Variants in NLRC5 observed in about 807,000 individuals in gnomAD.
NLRC5 encodes the protein NLR family CARD domain containing 5.
NLRC5 carries 114 observed loss-of-function variants against 206.9 expected under a neutral mutation model. The ratio of observed to expected loss-of-function variants is 0.55; its 90% CI spans 0.47 to 0.64. NLRC5 has a LOEUF of 0.64. NLRC5 is among the 30% of genes least tolerant of loss of function. The pLI is 0.00. For synonymous variants in NLRC5, 952 were observed against 962.8 expected, an observed-to-expected ratio of 0.99 and a Z score of 0.21; for missense variants, 2,008 against 2,305.5, an observed-to-expected ratio of 0.87 and a Z score of 2.64.
At position 57,055,102 on chromosome 16, in the gene NLRC5, C is replaced by T. The variant is rs1259237621; in HGVS notation, c.3659+8C>T. ...GGAAGGCGTGTGCTGTGGGTAAGCCCCCTTGAACCATGCCTAGGCAGCTAG... is the reference window on the plus strand; with the variant it reads ...GGAAGGCGTGTGCTGTGGGTAAGCCTCCTTGAACCATGCCTAGGCAGCTAG... On this transcript the variant is annotated splice_region_variant and intron_variant, in intron 26 of 48. Coordinates refer to ENST00000688547, the MANE Select transcript of NLRC5 (RefSeq NM_001384950.1). The T allele has an allele frequency of 6.2e-7, 1 of 1,614,076 alleles. No homozygotes were observed. Among genetic ancestry groups the T allele is most frequent in the South Asian group, 1.1e-5 (1 of 91,082 alleles).
At chr16:56,989,936 A>G (rs1452827962) in intron 1 of NLRC5, among the ~76,000 whole-genome samples, 2 of 152,062 alleles carry the variant, frequency 1.3e-5, no homozygotes, top group African/African-American at 4.8e-5. Context: ...AGCTCCTGTC[A>G]CCTACCGGAT....
intron 1 of NLRC5, among the ~76,000 whole-genome samples, chr16:57,016,789 A>G (rs1209100093): frequency 6.6e-6 from 1 of 152,172 alleles, no homozygotes; most frequent in Non-Finnish European, 1.5e-5. Flanking sequence ...GCCAAAGGAC[A>G]TTGTAAGGTG....
Position 57,081,171 on chromosome 16 carries a change from A to G in NLRC5, c.5395A>G (p.Lys1799Glu), listed in dbSNP as rs1452611482. The change falls in exon 47 of 49, where the codon AAG (lysine) becomes GAG (glutamate). Residue 1799 changes from lysine (K) to glutamate (E), a missense_variant. Physicochemically the swap from Lys to Glu is moderately conservative, Grantham distance 56. Transcript: ENST00000688547. ...GGTGCTGCCGCAGATGGGCCGGCTG[A>G]AGAGAGTGGAGTATGAGGGGCCGGG... ...AQVLPQMGRL[K>E]RVDLEKNQIT... is the part of the protein sequence containing the mutation. 1.3e-6 allele frequency: 2 copies of G among 1,541,510 alleles called. No individual in the cohort carries two copies. The highest frequency in any genetic ancestry group is 1.7e-4 in the Middle Eastern group (1 of 5,834).
intron 21 of NLRC5, among the ~76,000 whole-genome samples, chr16:57,046,187 G>A (rs2063946125): frequency 6.6e-6 from 1 of 152,228 alleles, no homozygotes; most frequent in Non-Finnish European, 1.5e-5. Context: ...CCGGGTTCTT[G>A]AGGCCCAAAG....
intron 23 of NLRC5, chr16:57,047,862 C>A (rs2064214872): frequency 1.8e-6 from 1 of 567,432 alleles, no homozygotes. Flanking sequence ...GGGAAGCCTT[C>A]ACCTGCACCA....
rs578137172 is a variant in NLRC5 at position 57,081,004 on chromosome 16, C to T, written c.5322-94C>T. 203 of 1,151,556 alleles carry T rather than the reference C, an allele frequency of 1.8e-4. No individual in the cohort carries two copies. In the African/African-American group the frequency reaches 2.2e-3, roughly 12 times the overall value. The allele number at this position is 1,151,556 out of a possible 1,614,324, so 71.3% of individuals were successfully genotyped here. A position where few individuals can be genotyped will look rare whatever the true frequency, so the allele number is the denominator to read the frequency against. ...CCTCTCTTGAAAACCCTTGCCCCCA[C>T]GACTGGCACCCTGCTTTCCCCATTC... On this transcript the variant is annotated intron_variant, in intron 46 of 48. Transcript: ENST00000688547.
chr16:57,029,080 G>T (rs1186056363), intron 8 of NLRC5, among the ~76,000 whole-genome samples: 1 of 152,176 alleles, frequency 6.6e-6, no homozygotes, highest in Non-Finnish European at 1.5e-5. Flanking sequence ...CACTTGTTGA[G>T]TGAAAATAAT....
rs538867786 is a variant in NLRC5 at position 57,012,437 on chromosome 16, C to A, written c.-127-4637C>A. Among the ~76,000 whole-genome samples, 10 of 152,266 alleles carry A rather than the reference C, an allele frequency of 6.6e-5. No individual in the cohort carries two copies. The South Asian group carries it at 1.9e-3, about 28-fold the overall frequency. Reference sequence around the variant, plus strand: ...TACATTCTAAGGCAGGGGTCCCCAACCCCCAGGCTACAGATCAGTGTCGGT... The same window carrying A: ...TACATTCTAAGGCAGGGGTCCCCAAACCCCAGGCTACAGATCAGTGTCGGT... On this transcript the variant is annotated intron_variant, in intron 1 of 48. Transcript: ENST00000688547.
rs760924450 is a variant in NLRC5 at position 57,081,600 on chromosome 16, C to T, written c.5479C>T (p.Gln1827Ter). ...AGGACTGGCCCAGGGGTCTAGCATC[C>T]AAGTCATCCGGTAACAGAGGCCTGC... ...AEGLAQGSSI[Q>*]VIRLWNNPIP... Residue 1827 changes from glutamine to a stop codon, truncating the protein, a stop_gained, in exon 48 of 49, where the codon CAA becomes TAA. Coordinates refer to ENST00000688547, the MANE Select transcript of NLRC5 (RefSeq NM_001384950.1). LOFTEE classifies it low-confidence loss of function (END_TRUNC). 6.2e-7 allele frequency: 1 copy of T among 1,613,940 alleles called. No homozygotes were observed. Among genetic ancestry groups the T allele is most frequent in the South Asian group, 1.1e-5 (1 of 91,066 alleles).
In NLRC5 at chr16:57,023,916, G is replaced by A. The variant is rs562072315; in HGVS notation, c.424+63G>A. On this transcript the variant is annotated intron_variant, in intron 5 of 48. Coordinates refer to ENST00000688547, the MANE Select transcript of NLRC5 (RefSeq NM_001384950.1). Reference sequence around the variant, plus strand: ...TGGGGTTGCCTGGGGGCCAAGACCCGGACCCTGGACCTTGTCCCCTGCCAA... The same window carrying A: ...TGGGGTTGCCTGGGGGCCAAGACCCAGACCCTGGACCTTGTCCCCTGCCAA... 4,036 of 1,425,788 alleles carry A rather than the reference G, an allele frequency of 2.8e-3. 13 individuals carry two copies. The highest frequency in any genetic ancestry group is 3.5e-3 in the Non-Finnish European group (3,624 of 1,031,398). The allele number at this position is 1,425,788 out of a possible 1,614,324, so 88.3% of individuals were successfully genotyped here. A position where few individuals can be genotyped will look rare whatever the true frequency, so the allele number is the denominator to read the frequency against.
chr16:56,995,772 G>A (rs1014996217), intron 1 of NLRC5, among the ~76,000 whole-genome samples: 5 of 152,184 alleles, frequency 3.3e-5, no homozygotes, highest in Non-Finnish European at 7.4e-5. Flanking sequence ...TTGCTGTTTT[G>A]TGTGTCTCTC....
intron 30 of NLRC5, among the ~76,000 whole-genome samples, chr16:57,059,758 G>T (rs112465736): frequency 0.043 from 6,606 of 152,196 alleles, 467 homozygotes; most frequent in African/African-American, 0.15. Flanking sequence ...ACCATCCTAA[G>T]CCCAACTCAG....
intron 17 of NLRC5, 90 bp from the exon 18 acceptor site, chr16:57,041,392 ATTC>A: frequency 1.9e-6 from 2 of 1,049,740 alleles, no homozygotes; most frequent in South Asian, 2.8e-5. Flanking sequence ...TGCAAGCCTC[ATTC>A]TCTGCCTCTG....
rs758800259 is a variant in NLRC5 at position 57,030,054 on chromosome 16, C to A, written c.2387C>A (p.Thr796Lys). 1.2e-6 allele frequency: 2 copies of A among 1,614,104 alleles called. No homozygotes were observed. Among genetic ancestry groups the A allele is most frequent in the East Asian group, 4.5e-5 (2 of 44,878 alleles). Reference sequence around the variant, plus strand: ...CTCTGCTTGGCAAGGGTGGCAGTCACGTGTCCTACCGTCAGGATGCTTCAG... The same window carrying A: ...CTCTGCTTGGCAAGGGTGGCAGTCAAGTGTCCTACCGTCAGGATGCTTCAG... Reference protein sequence around the residue: ...TLLCLARVAVTCPTVRMLQAR... With the variant: ...TLLCLARVAVKCPTVRMLQAR... Residue 796 changes from threonine to lysine, a missense_variant, in exon 10 of 49, where the codon ACG becomes AAG. By Grantham distance (78) the Thr-to-Lys change is moderately conservative. Transcript: ENST00000688547.
At chr16:57,006,207 C>CTTG (rs2058881676) in intron 1 of NLRC5, among the ~76,000 whole-genome samples, 1 of 151,826 alleles carries the variant, frequency 6.6e-6, no homozygotes, top group African/African-American at 2.4e-5. Context: ...CCATGTTACC[C>CTTG]AGGCTCGTCT....
chr16:57,029,730 C>T (rs375501355), intron 8 of NLRC5, 43 bp from the exon 9 acceptor site: 81 of 1,579,566 alleles, frequency 5.1e-5, no homozygotes, highest in Non-Finnish European at 6.6e-5. Context: ...TTGCAAGTGC[C>T]CCAACCCCAG....
At chr16:57,059,278 G>C (rs950837853) in intron 29 of NLRC5, 189 bp from the exon 30 acceptor site, 51 of 1,463,678 alleles carry the variant, frequency 3.5e-5, no homozygotes, top group Non-Finnish European at 4.3e-5. Context: ...GAGGCCATGG[G>C]GTGGGAAGGC....
intron 15 of NLRC5, among the ~76,000 whole-genome samples, chr16:57,038,940 A>T (rs79411213): frequency 2.9e-5 from 3 of 103,664 alleles, no homozygotes; most frequent in East Asian, 3.0e-4. Context: ...GTCTCAAATT[A>T]AAAAAAAAAA....
chr16:57,037,393 C>T lies in NLRC5; in HGVS notation c.2801+109C>T, dbSNP rs555972714. On this transcript the variant is annotated intron_variant, in intron 15 of 48. Coordinates refer to ENST00000688547, the MANE Select transcript of NLRC5 (RefSeq NM_001384950.1). ...GCCTTGGGACGGGCAGAAGATGCTG[C>T]TGCTGTCCCACCCAGACCCCGTTAC... is the stretch of plus-strand genomic sequence containing the variant. The T allele has an allele frequency of 6.1e-6, 6 of 987,144 alleles. No individual in the cohort carries two copies. The East Asian group carries it at 1.5e-4, about 25-fold the overall frequency. The allele number at this position is 987,144 out of a possible 1,614,324, so 61.1% of individuals were successfully genotyped here. A position where few individuals can be genotyped will look rare whatever the true frequency, so the allele number is the denominator to read the frequency against.
Sources: gnomAD v4.1 joint callset for allele counts (sites outside exome capture counted in the v4.1 genomes callset) on GRCh38, gnomAD v4.1.1 for gene constraint, MANE v1.5 for transcripts, NCBI Gene and HGNC (gene_info 2026-07-23, HGNC 2026-07-21) for gene names.